PCLO: variants seen among roughly 807,000 people sequenced by gnomAD.
PCLO encodes the protein piccolo presynaptic cytomatrix protein.
Under a neutral mutation model 427.5 loss-of-function variants are expected in PCLO, and 82 were observed. The ratio of observed to expected loss-of-function variants is 0.19; its 90% CI spans 0.16 to 0.23. PCLO has a LOEUF of 0.23. Among genes scored for constraint, PCLO ranks in the 10% least tolerant of loss-of-function variants. The pLI is 1.00. For missense variants in PCLO, 6,239 were observed against 6,115.9 expected, an observed-to-expected ratio of 1.02 and a Z score of -0.67; for synonymous variants, 2,357 against 2,155.4, an observed-to-expected ratio of 1.09 and a Z score of -2.59.
rs942208167 is a variant in PCLO at position 82,961,049 on chromosome 7, A to C, written c.4018-4114T>G. ...AAATTCAGTTCCCCCATCTTTACTA[A>C]AGCTATCATAATATTAACCTTATCA... On this transcript the variant is annotated intron_variant, in intron 4 of 24. Coordinates refer to ENST00000333891, the MANE Select transcript of PCLO (RefSeq NM_033026.6). Among the ~76,000 whole-genome samples, 5 of 152,320 alleles carry C rather than the reference A, an allele frequency of 3.3e-5. No individual in the cohort carries two copies. The South Asian group carries it at 1.0e-3, about 32-fold the overall frequency.
chr7:82,925,749 T>G (rs1159199077), intron 6 of PCLO, among the ~76,000 whole-genome samples: 2 of 142,140 alleles, frequency 1.4e-5, no homozygotes, highest in Non-Finnish European at 3.0e-5. Context: ...AGACAAGCTC[T>G]TGCTCTGTTG....
At chr7:82,832,040 C>T (rs1792106242) in intron 16 of PCLO, among the ~76,000 whole-genome samples, 1 of 152,134 alleles carries the variant, frequency 6.6e-6, no homozygotes, top group South Asian at 2.1e-4. Flanking sequence ...AGTTCATCCT[C>T]CCTTTCCTTT....
intron 7 of PCLO, among the ~76,000 whole-genome samples, chr7:82,911,442 T>A (rs1421129236): frequency 6.6e-6 from 1 of 150,832 alleles, no homozygotes; most frequent in East Asian, 1.9e-4. Flanking sequence ...CTAACAGTAT[T>A]TTTTTTTTAA....
At chr7:83,156,420 ATCAAGTG>A in intron 1 of PCLO, 28 bp from the exon 2 acceptor site, 37 of 1,222,226 alleles carry the variant, frequency 3.0e-5, no homozygotes, top group African/African-American at 7.8e-5. Flanking sequence ...AAAAAAAAAA[ATCAAGTG>A]AAAATAATGG....
intron 3 of PCLO, among the ~76,000 whole-genome samples, chr7:83,119,840 T>C (rs549573529): frequency 1.5e-5 from 2 of 133,198 alleles, no homozygotes; most frequent in South Asian, 2.3e-4. Flanking sequence ...AAAAAGCAAA[T>C]ATTGAAGTAA....
At chr7:82,911,318 G>A (rs913933365) in intron 7 of PCLO, among the ~76,000 whole-genome samples, 2 of 151,994 alleles carry the variant, frequency 1.3e-5, no homozygotes, top group African/African-American at 4.8e-5. Context: ...AGAACCAGTT[G>A]TACATAAATG....
intron 2 of PCLO, among the ~76,000 whole-genome samples, chr7:83,152,888 T>C (rs1297348834): frequency 6.6e-6 from 1 of 152,216 alleles, no homozygotes; most frequent in African/African-American, 2.4e-5. Flanking sequence ...CACATTTTAG[T>C]TATCTTTATA....
At chr7:82,983,371 T>G (rs1796190181) in intron 3 of PCLO, among the ~76,000 whole-genome samples, 1 of 151,100 alleles carries the variant, frequency 6.6e-6, no homozygotes, top group Non-Finnish European at 1.5e-5. Context: ...AAAATATATA[T>G]GTTCCCTCTG....
chr7:83,043,912 C>CTTTTTTTTTTTTTTTTTT (rs869061778), intron 3 of PCLO, among the ~76,000 whole-genome samples: 22 of 94,916 alleles, frequency 2.3e-4, no homozygotes, highest in East Asian at 4.2e-4. Context: ...CTATTATTTT[C>CTTTTTTTTTTTTTTTTTT]TTTTTTTTTT....
In PCLO at chr7:82,951,246, T is replaced by G; in HGVS notation, c.9342A>C (p.Thr3114=). The G allele has an allele frequency of 6.2e-7, 1 of 1,613,582 alleles. No individual in the cohort carries two copies. The part of the protein sequence containing the change: ...TTQPGSIFST[T]VRDLSGIHTA... The stretch of plus-strand genomic sequence containing the variant: ...TATGAATACCAGACAAATCCCTCAC[T>G]GTGGTGCTGAAAATGGAGCCAGGTT... The change falls in exon 6 of 25, where the codon ACA becomes ACC. Residue 3114 remains threonine (T), a synonymous_variant. Coordinates refer to ENST00000333891, the MANE Select transcript of PCLO (RefSeq NM_033026.6).
At chr7:82,863,187 T>C (rs1436067645) in intron 10 of PCLO, among the ~76,000 whole-genome samples, 3 of 152,012 alleles carry the variant, frequency 2.0e-5, no homozygotes, top group Admixed American at 6.6e-5. Flanking sequence ...TTTGCTTATA[T>C]TGGAGTCAAT....
intron 3 of PCLO, among the ~76,000 whole-genome samples, chr7:83,003,244 T>C (rs1159112087): frequency 6.6e-6 from 1 of 151,506 alleles, no homozygotes; most frequent in Non-Finnish European, 1.5e-5. Context: ...CATACGTTTA[T>C]ATGTAATATT....
chr7:82,950,779 T>C lies in PCLO; in HGVS notation c.9809A>G (p.Gln3270Arg), dbSNP rs1292057720. The C allele has an allele frequency of 1.2e-6, 2 of 1,613,704 alleles. No individual in the cohort carries two copies. Among genetic ancestry groups the C allele is most frequent in the Non-Finnish European group, 1.7e-6 (2 of 1,179,848 alleles). ...CTGGGCTTGCCGCTCTTCTTCTTGC[T>C]GAAAGAGAAGGTGTTGCTTCATAGA... is the stretch of plus-strand genomic sequence containing the variant. ...LQSMKQHLLF[Q>R]QEEERQAQFM... is the part of the protein sequence containing the mutation. The change falls in exon 6 of 25, where the codon CAG becomes CGG. Residue 3270 changes from glutamine to arginine, a missense_variant. Physicochemically the swap from Gln to Arg is conservative, Grantham distance 43. Coordinates refer to ENST00000333891, the MANE Select transcript of PCLO (RefSeq NM_033026.6).
intron 6 of PCLO, among the ~76,000 whole-genome samples, chr7:82,917,876 G>T (rs1057020247): frequency 8.6e-5 from 13 of 151,862 alleles, no homozygotes; most frequent in Non-Finnish European, 1.8e-4. Context: ...CCTGAAAATT[G>T]TGCCTTATTA....
At chr7:82,759,658 T>G (rs1045249135) in intron 24 of PCLO, among the ~76,000 whole-genome samples, 3 of 151,952 alleles carry the variant, frequency 2.0e-5, no homozygotes, top group Non-Finnish European at 4.4e-5. Flanking sequence ...CTCAATACAT[T>G]TTTGCTTTGT....
Position 82,887,654 on chromosome 7 carries a change from C to G in PCLO, c.13529-8192G>C, listed in dbSNP as rs570824009. Among the ~76,000 whole-genome samples, 4 of 152,188 alleles carry G rather than the reference C, an allele frequency of 2.6e-5. No individual in the cohort carries two copies. In the East Asian group the frequency reaches 7.7e-4, roughly 29 times the overall value. Reference sequence around the variant, plus strand: ...ATGATAATGTTTCTGTGGAACTCACCCTGAGAATAAAAACTTCCTTTGTTA... The same window carrying G: ...ATGATAATGTTTCTGTGGAACTCACGCTGAGAATAAAAACTTCCTTTGTTA... On this transcript the variant is annotated intron_variant, in intron 9 of 24. Transcript: ENST00000333891.
intron 7 of PCLO, 33 bp downstream of exon 7, chr7:82,914,653 G>T (rs1192603925): frequency 6.2e-7 from 1 of 1,604,100 alleles, no homozygotes; most frequent in Non-Finnish European, 8.5e-7. Context: ...TTTGAGTTTT[G>T]AGAGTAACAG....
At chr7:82,983,885 G>T (rs898804973) in intron 3 of PCLO, among the ~76,000 whole-genome samples, 6 of 151,870 alleles carry the variant, frequency 4.0e-5, no homozygotes, top group African/African-American at 1.4e-4. Context: ...TATCATCCTA[G>T]ACTGAATAGG....
rs1790908683 is a variant in PCLO at position 82,783,101 on chromosome 7, T to TGAGAAAAGGCCAACTTTCA, written c.15007+18398_15007+18416dup. Among the ~76,000 whole-genome samples the TGAGAAAAGGCCAACTTTCA allele has an allele frequency of 3.9e-5, 6 of 152,282 alleles. No homozygotes were observed. In the South Asian group the frequency reaches 1.2e-3, roughly 32 times the overall value. The stretch of plus-strand genomic sequence containing the variant: ...TCATCCCTTGCCTTATAGAACAACC[T>TGAGAAAAGGCCAACTTTCA]GAGAAAAGGCCAACTTTCAGAGAAA... On this transcript the variant is annotated intron_variant, in intron 22 of 24. Coordinates refer to ENST00000333891, the MANE Select transcript of PCLO (RefSeq NM_033026.6).
Sources: gnomAD v4.1 joint callset for allele counts (sites outside exome capture counted in the v4.1 genomes callset) on GRCh38, gnomAD v4.1.1 for gene constraint, MANE v1.5 for transcripts, NCBI Gene and HGNC (gene_info 2026-07-23, HGNC 2026-07-21) for gene names.